The following SLC26A6 variants were observed in gnomAD, a reference collection of about 807,000 sequenced individuals.
SLC26A6 encodes the protein anion exchange transporter.
Under a neutral mutation model 87.1 loss-of-function variants are expected in SLC26A6, and 67 were observed. That is an observed-to-expected ratio of 0.77 (90% CI 0.63 to 0.94). SLC26A6 has a LOEUF of 0.94. Ranked by LOEUF, SLC26A6 falls within the 40% of genes least tolerant of loss-of-function variation. The pLI, the probability that SLC26A6 is intolerant of heterozygous loss-of-function variation, is 0.00. For synonymous variants in SLC26A6, 414 were observed against 405.9 expected, an observed-to-expected ratio of 1.02 and a Z score of -0.24; for missense variants, 902 against 973.0, an observed-to-expected ratio of 0.93 and a Z score of 0.97.
intron 17 of SLC26A6, 185 bp from the exon 18 acceptor site, chr3:48,627,240 G>A (rs1441909085): frequency 5.8e-6 from 4 of 689,848 alleles, no homozygotes; most frequent in Non-Finnish European, 9.6e-6. Flanking sequence ...GGACATGCAG[G>A]AGGGCACACC....
chr3:48,626,447 G>A (rs1000617024), intron 19 of SLC26A6, 93 bp from the exon 20 acceptor site: 2 of 1,579,562 alleles, frequency 1.3e-6, no homozygotes, highest in African/African-American at 2.7e-5. Context: ...CATCACCCCT[G>A]ACCTCCACCC....
intron 1 of SLC26A6, chr3:48,634,735 G>A (rs755518503): frequency 1.5e-4 from 151 of 985,296 alleles, no homozygotes; most frequent in South Asian, 7.0e-4. Context: ...ACTCACCTGG[G>A]AAGCGCCTCT....
intron 4 of SLC26A6, chr3:48,632,686 G>C (rs2046839382): frequency 1.5e-6 from 1 of 686,984 alleles, no homozygotes; most frequent in Non-Finnish European, 2.6e-6. Flanking sequence ...GTAGGGAAGG[G>C]GTCAGGGCTG....
chr3:48,632,413 G>A lies in SLC26A6; in HGVS notation c.434-17C>T. ...CAAAGGTCCCTGTAAGGACGGCACG[G>A]GGCAGGTCTGAAGAGGAGAGGACAC... is the stretch of plus-strand genomic sequence containing the variant. On this transcript the variant is annotated splice_polypyrimidine_tract_variant and intron_variant, in intron 4 of 20. Coordinates refer to ENST00000395550, the MANE Select transcript of SLC26A6 (RefSeq NM_022911.3). 1 of 1,596,990 alleles carries A rather than the reference G, an allele frequency of 6.3e-7. No individual in the cohort carries two copies. Among genetic ancestry groups the A allele is most frequent in the South Asian group, 1.1e-5 (1 of 88,696 alleles).
intron 11 of SLC26A6, 46 bp downstream of exon 11, chr3:48,630,392 G>A (rs1310033745): frequency 1.3e-6 from 2 of 1,537,962 alleles, no homozygotes; most frequent in Non-Finnish European, 1.8e-6. Context: ...TGATTTGAGA[G>A]CCCTGGCCTG....
In SLC26A6 at chr3:48,632,037, AGCCCCACCTGT is replaced by A. The variant is rs1406842601; in HGVS notation, c.586-4_592del. On this transcript the variant is annotated splice_acceptor_variant and splice_polypyrimidine_tract_variant and coding_sequence_variant and intron_variant, in exon 6 of 21. Transcript: ENST00000395550. LOFTEE classifies it high-confidence loss of function. The stretch of plus-strand genomic sequence containing the variant: ...CACGAAGCCGAAGTGGATCAGGCCC[AGCCCCACCTGT>A]GGGGCGGCCAGGGGCAGTCAGGAGA... 6.2e-7 allele frequency: 1 copy of A among 1,613,110 alleles called. No individual in the cohort carries two copies. Among genetic ancestry groups the A allele is most frequent in the Non-Finnish European group, 8.5e-7 (1 of 1,179,940 alleles).
chr3:48,626,743 C>A lies in SLC26A6; in HGVS notation c.2074-58G>T, dbSNP rs1353907783. 9.9e-6 allele frequency: 16 copies of A among 1,611,790 alleles called. No individual in the cohort carries two copies. In the East Asian group the frequency reaches 3.6e-4, roughly 36 times the overall value. Reference sequence around the variant, plus strand: ...AGGCTCAGGGACTCAGAGGGGGGCTCGGGCAGGCTTGGGGAGGGAGTTTAG... The same window carrying A: ...AGGCTCAGGGACTCAGAGGGGGGCTAGGGCAGGCTTGGGGAGGGAGTTTAG... On this transcript the variant is annotated intron_variant, in intron 18 of 20. Coordinates refer to ENST00000395550, the MANE Select transcript of SLC26A6 (RefSeq NM_022911.3).
At chr3:48,626,548 T>C in intron 19 of SLC26A6, 83 bp downstream of exon 19, 2 of 1,598,208 alleles carry the variant, frequency 1.3e-6, no homozygotes, top group African/African-American at 1.3e-5. Flanking sequence ...AAAGACTTTT[T>C]CCTTGTGCTA....
chr3:48,628,588 G>C lies in SLC26A6; in HGVS notation c.1692+34C>G, dbSNP rs201492685. On this transcript the variant is annotated intron_variant, in intron 15 of 20. Transcript: ENST00000395550. The surrounding 1 kb of genome is among the most constrained non-coding windows in gnomAD (Gnocchi z 4.4). Reference sequence around the variant, plus strand: ...GGGTTGGTGAGCTCTCTGGGAGCTGGGGCCTGACACCCATCCTGGGGACTC... The same window carrying C: ...GGGTTGGTGAGCTCTCTGGGAGCTGCGGCCTGACACCCATCCTGGGGACTC... The C allele has an allele frequency of 4.3e-6, 7 of 1,613,944 alleles. No individual in the cohort carries two copies. The African/African-American group carries it at 8.0e-5, about 18-fold the overall frequency.
In SLC26A6 at chr3:48,628,899, C is replaced by A. The variant is rs1028245122; in HGVS notation, c.1600-185G>T. Among the ~76,000 whole-genome samples, 4 of 152,160 alleles carry A rather than the reference C, an allele frequency of 2.6e-5. No individual in the cohort carries two copies. Among genetic ancestry groups the A allele is most frequent in the Admixed American group, 2.6e-4 (4 of 15,274 alleles). ...CCCGACGGTGTCATCCCCATCCCCCCACAGTGCCTCTCCCTCCCCACCTCT... is the reference window on the plus strand; with the variant it reads ...CCCGACGGTGTCATCCCCATCCCCCAACAGTGCCTCTCCCTCCCCACCTCT... On this transcript the variant is annotated intron_variant, in intron 14 of 20. Coordinates refer to ENST00000395550, the MANE Select transcript of SLC26A6 (RefSeq NM_022911.3). The surrounding 1 kb of genome is among the most constrained non-coding windows in gnomAD (Gnocchi z 4.4).
chr3:48,633,737 G>C (rs1265014447), intron 1 of SLC26A6, 102 bp from the exon 2 acceptor site: 2 of 1,537,212 alleles, frequency 1.3e-6, no homozygotes, highest in Non-Finnish European at 8.7e-7. Context: ...ATTTTTCCAG[G>C]CCCTAAGATC....
chr3:48,632,938 G>A (rs764310102), intron 4 of SLC26A6, 36 bp downstream of exon 4: 2 of 1,574,964 alleles, frequency 1.3e-6, no homozygotes, highest in Non-Finnish European at 1.7e-6. Context: ...ATGGATGTGG[G>A]CATCCTCCTG....
Position 48,628,426 on chromosome 3 carries a change from G to T in SLC26A6, c.1800+8C>A, listed in dbSNP as rs1246004027. ...GAGATGGGGGTCACCAGACAAAAGG[G>T]GCCCTGCCTGTTTCCGAAGCTTCTC... On this transcript the variant is annotated splice_region_variant and intron_variant, in intron 16 of 20. Coordinates refer to ENST00000395550, the MANE Select transcript of SLC26A6 (RefSeq NM_022911.3). This position sits in a 1 kb window ranked among gnomAD's most constrained non-coding sequence, Gnocchi z 4.4. 2 of 1,613,760 alleles carry T rather than the reference G, an allele frequency of 1.2e-6. No homozygotes were observed. Among genetic ancestry groups the T allele is most frequent in the Admixed American group, 3.3e-5 (2 of 60,020 alleles).
Position 48,628,789 on chromosome 3 carries a change from C to T in SLC26A6, c.1600-75G>A. 1 of 1,521,388 alleles carries T rather than the reference C, an allele frequency of 6.6e-7. No homozygotes were observed. Among genetic ancestry groups the T allele is most frequent in the Non-Finnish European group, 9.0e-7 (1 of 1,117,088 alleles). 94.2% of individuals were successfully genotyped at this position (1,521,388 alleles called of 1,614,324 possible). Reference sequence around the variant, plus strand: ...GCATCCTGTTCTCCTGCCTTTCCTTCCCTAGTGTGCCCAGTGCCTGCCACC... The same window carrying T: ...GCATCCTGTTCTCCTGCCTTTCCTTTCCTAGTGTGCCCAGTGCCTGCCACC... On this transcript the variant is annotated intron_variant, in intron 14 of 20. Coordinates refer to ENST00000395550, the MANE Select transcript of SLC26A6 (RefSeq NM_022911.3). The surrounding 1 kb of genome is among the most constrained non-coding windows in gnomAD (Gnocchi z 4.4).
intron 17 of SLC26A6, 166 bp downstream of exon 17, chr3:48,627,780 C>T (rs1349430775): frequency 7.3e-5 from 42 of 573,878 alleles, no homozygotes; most frequent in Middle Eastern, 4.6e-4. Context: ...TGGCATATCA[C>T]GACGCTCCCT....
intron 7 of SLC26A6, 37 bp from the exon 8 acceptor site, chr3:48,631,343 G>A (rs1269229546): frequency 2.0e-5 from 31 of 1,525,244 alleles, no homozygotes; most frequent in Non-Finnish European, 2.4e-5. Context: ...GCAGGTGCTG[G>A]CACCATGGTC....
chr3:48,631,841 G>A (rs1048863156), intron 6 of SLC26A6, 39 bp downstream of exon 6: 3 of 1,613,094 alleles, frequency 1.9e-6, no homozygotes, highest in African/African-American at 1.3e-5. Flanking sequence ...TCAAGGCCAT[G>A]GGGCACACCT....
At position 48,628,623 on chromosome 3, in the gene SLC26A6, C is replaced by T. The variant is rs1410562829; in HGVS notation, c.1691G>A (p.Arg564Lys). ...AEFYSDALKQ[R>K]CGVDVDFLIS... ...CCCATCCTGGGGACTCCGTCTCACCCTCTGCTTCAGCGCATCACTGTAGAA... is the reference window on the plus strand; with the variant it reads ...CCCATCCTGGGGACTCCGTCTCACCTTCTGCTTCAGCGCATCACTGTAGAA... The change falls in exon 15 of 21, where the codon AGG (arginine) becomes AAG (lysine). Residue 564 changes from arginine to lysine, a missense_variant and splice_region_variant. By Grantham distance (26) the Arg-to-Lys change is conservative (BLOSUM62 2). Transcript: ENST00000395550. This position sits in a 1 kb window ranked among gnomAD's most constrained non-coding sequence, Gnocchi z 4.4. 1 of 1,613,778 alleles carries T rather than the reference C, an allele frequency of 6.2e-7. No homozygotes were observed. Among genetic ancestry groups the T allele is most frequent in the Non-Finnish European group, 8.5e-7 (1 of 1,179,992 alleles).
Position 48,626,997 on chromosome 3 carries a change from T to C in SLC26A6, c.1952A>G (p.Lys651Arg), listed in dbSNP as rs1469027663. Residue 651 changes from lysine (K) to arginine (R), a missense_variant, in exon 18 of 21, where the codon AAG (lysine) becomes AGG (arginine). By Grantham distance (26) the Lys-to-Arg change is conservative. Coordinates refer to ENST00000395550, the MANE Select transcript of SLC26A6 (RefSeq NM_022911.3). ...CTTCAGTGTGGACCCATCTGGGGCC[T>C]TGGAGTCTTCTTGACCATTGGCTGT... ...DATANGQEDS[K>R]APDGSTLKAL... 1.2e-6 allele frequency: 2 copies of C among 1,614,196 alleles called. No homozygotes were observed. Among genetic ancestry groups the C allele is most frequent in the East Asian group, 2.2e-5 (1 of 44,882 alleles).
Sources: allele counts gnomAD v4.1 joint callset (sites outside exome capture counted in the v4.1 genomes callset), GRCh38; gene constraint gnomAD v4.1.1; non-coding constraint Gnocchi (gnomAD v3.1); transcripts MANE v1.5; gene names NCBI Gene and HGNC (gene_info 2026-07-23, HGNC 2026-07-21).